The following SLC24A2 variants were observed in gnomAD, a reference collection of about 807,000 sequenced individuals.
SLC24A2 encodes solute carrier family 24 member 2.
In SLC24A2, 36 loss-of-function variants were observed where a neutral mutation model predicts 62.0. The observed-to-expected ratio is 0.58, with a 90% confidence interval of 0.44 to 0.77. The LOEUF (loss-of-function observed/expected upper bound fraction) is 0.77. SLC24A2 is among the 30% of genes least tolerant of loss of function. The pLI, the probability that SLC24A2 is intolerant of heterozygous loss-of-function variation, is 0.00. For synonymous variants in SLC24A2, 358 were observed against 294.0 expected (o/e 1.22, Z -2.23); for missense variants, 846 against 817.9 (o/e 1.03, Z -0.42).
the SLC24A2 span, among the ~76,000 whole-genome samples, chr9:20,087,971 A>G: frequency 4.6e-5 from 7 of 152,286 alleles, no homozygotes; most frequent in East Asian, 1.4e-3. Context: ...TTGCAACCCC[A>G]GGTCAGGAGA....
At chr9:20,148,684 C>G in the SLC24A2 span, among the ~76,000 whole-genome samples, 1 of 152,086 alleles carries the variant, frequency 6.6e-6, no homozygotes, top group South Asian at 2.1e-4. Flanking sequence ...CATTCCATCC[C>G]TAGCATTACT....
chr9:20,112,912 C>A, the SLC24A2 span, among the ~76,000 whole-genome samples: 1 of 151,914 alleles, frequency 6.6e-6, no homozygotes, highest in Non-Finnish European at 1.5e-5. Context: ...CATCTCTGAA[C>A]GTCAGACTAA....
the SLC24A2 span, among the ~76,000 whole-genome samples, chr9:20,259,679 A>G: frequency 1.3e-5 from 2 of 152,126 alleles, no homozygotes; most frequent in Non-Finnish European, 2.9e-5. Context: ...AGTCTTAATC[A>G]TCTCAAGCCT....
chr9:20,105,037 G>A, the SLC24A2 span, among the ~76,000 whole-genome samples: 1 of 152,056 alleles, frequency 6.6e-6, no homozygotes, highest in East Asian at 1.9e-4. Context: ...AAAAAGGTAG[G>A]GGTTGCAATC....
At chr9:20,114,417 C>T in the SLC24A2 span, among the ~76,000 whole-genome samples, 3 of 152,120 alleles carry the variant, frequency 2.0e-5, no homozygotes, top group Non-Finnish European at 4.4e-5. Context: ...GCTGCGGTCC[C>T]AGCTAGTAAA....
chr9:19,602,984 C>A (rs1233776032), intron 4 of SLC24A2, among the ~76,000 whole-genome samples: 2 of 152,070 alleles, frequency 1.3e-5, no homozygotes, highest in African/African-American at 4.8e-5. Flanking sequence ...TTTCTCTGGT[C>A]CCTTTTTCAG....
At chr9:19,713,196 G>A (rs1396306042) in intron 2 of SLC24A2, among the ~76,000 whole-genome samples, 1 of 151,976 alleles carries the variant, frequency 6.6e-6, no homozygotes, top group Non-Finnish European at 1.5e-5. Flanking sequence ...CTAGTTGATT[G>A]GTAGATGCTT....
the SLC24A2 span, among the ~76,000 whole-genome samples, chr9:19,874,149 G>C: frequency 7.5e-6 from 1 of 132,608 alleles, no homozygotes; most frequent in Admixed American, 9.0e-5. Flanking sequence ...GCATGATCTT[G>C]GCTCACTGCA....
At chr9:20,226,773 T>G in the SLC24A2 span, among the ~76,000 whole-genome samples, 2 of 152,222 alleles carry the variant, frequency 1.3e-5, no homozygotes, top group Non-Finnish European at 2.9e-5. Flanking sequence ...GTTTACATAT[T>G]GCATGGGCCT....
the SLC24A2 span, among the ~76,000 whole-genome samples, chr9:19,973,438 AT>A: frequency 1.4e-4 from 21 of 152,274 alleles, no homozygotes; most frequent in African/African-American, 4.1e-4. Flanking sequence ...ATTCAAAGGA[AT>A]TTTTTTCTAT....
the SLC24A2 span, among the ~76,000 whole-genome samples, chr9:19,812,411 A>C: frequency 1.3e-5 from 2 of 152,210 alleles, no homozygotes; most frequent in Non-Finnish European, 2.9e-5. Flanking sequence ...TCTATCTTCT[A>C]CTTCACTAAT....
the SLC24A2 span, among the ~76,000 whole-genome samples, chr9:19,798,469 T>C: frequency 6.6e-6 from 1 of 152,230 alleles, no homozygotes; most frequent in Admixed American, 6.5e-5. Flanking sequence ...TATTAATTCA[T>C]ACCTTGGTTA....
the SLC24A2 span, among the ~76,000 whole-genome samples, chr9:20,087,056 C>T: frequency 1.3e-5 from 2 of 152,178 alleles, no homozygotes; most frequent in Non-Finnish European, 2.9e-5. Flanking sequence ...GTGGAAATGG[C>T]AGCTGGACCA....
the SLC24A2 span, among the ~76,000 whole-genome samples, chr9:20,139,977 C>T: frequency 3.3e-4 from 51 of 152,328 alleles, no homozygotes; most frequent in South Asian, 3.3e-3. Context: ...CTATGCGGTG[C>T]GTTCCCTTCC....
At chr9:19,997,725 C>A in the SLC24A2 span, among the ~76,000 whole-genome samples, 1 of 152,216 alleles carries the variant, frequency 6.6e-6, no homozygotes, top group Non-Finnish European at 1.5e-5. Context: ...CAGAATTACA[C>A]ACAGATTCAG....
chr9:19,520,085 A>G (rs962054148), intron 10 of SLC24A2, among the ~76,000 whole-genome samples: 34 of 152,336 alleles, frequency 2.2e-4, no homozygotes, highest in African/African-American at 7.2e-4. Flanking sequence ...CAATATGGTC[A>G]TGGAAAGGTG....
At chr9:20,082,751 T>C in the SLC24A2 span, among the ~76,000 whole-genome samples, 8 of 152,236 alleles carry the variant, frequency 5.3e-5, no homozygotes, top group Admixed American at 1.3e-4. Flanking sequence ...GAGGCAGAGA[T>C]TGTAGCTTGG....
At chr9:20,043,356 CA>C in the SLC24A2 span, among the ~76,000 whole-genome samples, 1 of 152,172 alleles carries the variant, frequency 6.6e-6, no homozygotes, top group African/African-American at 2.4e-5. Context: ...GCCCATGTGT[CA>C]AGCAGTAATT....
the SLC24A2 span, among the ~76,000 whole-genome samples, chr9:20,255,123 G>A: frequency 6.6e-6 from 1 of 152,148 alleles, no homozygotes; most frequent in African/African-American, 2.4e-5. Flanking sequence ...TACCTCTCTG[G>A]AATGAAATGT....
Sources: gnomAD v4.1 joint callset for allele counts (sites outside exome capture counted in the v4.1 genomes callset) on GRCh38, gnomAD v4.1.1 for gene constraint, MANE v1.5 for transcripts, NCBI Gene and HGNC (gene_info 2026-07-23, HGNC 2026-07-21) for gene names.